RABGAP1: variants seen among roughly 807,000 people sequenced by gnomAD.
RABGAP1 encodes RAB GTPase activating protein 1, also known as rab GTPase-activating protein 1.
Under a neutral mutation model 137.6 loss-of-function variants are expected in RABGAP1, and 23 were observed. The ratio of observed to expected loss-of-function variants is 0.17; its 90% CI spans 0.12 to 0.24. The LOEUF (loss-of-function observed/expected upper bound fraction) is 0.24. Among genes scored for constraint, RABGAP1 ranks in the 10% least tolerant of loss-of-function variants. RABGAP1 has a pLI of 1.00. For synonymous variants in RABGAP1, 451 were observed against 450.7 expected (o/e 1.00, Z -0.01); for missense variants, 906 against 1,275.8 (o/e 0.71, Z 4.42).
intron 14 of RABGAP1, among the ~76,000 whole-genome samples, chr9:123,068,679 C>T (rs143663770): frequency 0.038 from 3,063 of 80,354 alleles, 57 homozygotes; most frequent in Admixed American, 0.14. Context: ...ATCCTGTAGC[C>T]TTCTTATCAG....
At chr9:123,002,479 G>T (rs1322771661) in intron 10 of RABGAP1, among the ~76,000 whole-genome samples, 1 of 150,748 alleles carries the variant, frequency 6.6e-6, no homozygotes, top group South Asian at 2.1e-4. Flanking sequence ...TCTCATTTTA[G>T]TGAACATAAA....
chr9:122,990,783 AAAAAAAAAAAAAAATAT>A (rs1412004171), intron 6 of RABGAP1: 1 of 80,570 alleles, frequency 1.2e-5, no homozygotes, highest in Admixed American at 1.5e-4. Context: ...AAAAAAAAAA[AAAAAAAAAAAAAAATAT>A]ATATATATAT....
chr9:122,972,886 A>G (rs1285588349), intron 2 of RABGAP1, among the ~76,000 whole-genome samples: 1 of 152,050 alleles, frequency 6.6e-6, no homozygotes. Context: ...CTGTAATCCC[A>G]GCACTTGGGG....
Position 123,103,619 on chromosome 9 carries a change from A to G in RABGAP1, c.*406A>G, listed in dbSNP as rs1389722744. ...TATATATATATATATATATATATATATATATATATATATATATAGTGGGGG... is the reference window on the plus strand; with the variant it reads ...TATATATATATATATATATATATATGTATATATATATATATATAGTGGGGG... On this transcript the variant is annotated 3_prime_UTR_variant, in exon 26 of 26. Coordinates refer to ENST00000373647, the MANE Select transcript of RABGAP1 (RefSeq NM_012197.4). 1 of 96,650 alleles carries G rather than the reference A, an allele frequency of 1.0e-5. No individual in the cohort carries two copies. The highest frequency in any genetic ancestry group is 2.2e-5 in the Non-Finnish European group (1 of 46,196). 6.0% of individuals were successfully genotyped at this position (96,650 alleles called of 1,614,324 possible).
chr9:122,997,859 A>G (rs1837114804), intron 9 of RABGAP1, among the ~76,000 whole-genome samples: 1 of 152,142 alleles, frequency 6.6e-6, no homozygotes, highest in Non-Finnish European at 1.5e-5. Context: ...CTGAAAATGT[A>G]ATTTGCTTAA....
At chr9:122,933,085 A>G in the RABGAP1 span, among the ~76,000 whole-genome samples, 445 of 152,246 alleles carry the variant, frequency 2.9e-3, 2 homozygotes, top group African/African-American at 0.01. Context: ...ATGTCTTTTA[A>G]GTATAGCTGG....
intron 13 of RABGAP1, among the ~76,000 whole-genome samples, chr9:123,051,413 A>G (rs949416327): frequency 2.0e-5 from 3 of 149,214 alleles, no homozygotes; most frequent in Middle Eastern, 3.4e-3. Flanking sequence ...ACGGCTGGCT[A>G]ATTTTGTATT....
At chr9:123,047,255 G>T (rs941674347) in intron 13 of RABGAP1, among the ~76,000 whole-genome samples, 2 of 152,100 alleles carry the variant, frequency 1.3e-5, no homozygotes, top group Non-Finnish European at 2.9e-5. Context: ...ATGTTTGTTC[G>T]AGGAGGTAAA....
At chr9:123,101,363 T>G (rs1016291568) in intron 24 of RABGAP1, among the ~76,000 whole-genome samples, 2 of 152,168 alleles carry the variant, frequency 1.3e-5, no homozygotes, top group African/African-American at 4.8e-5. Flanking sequence ...ATCAAGACAA[T>G]GATAATTTTA....
chr9:123,072,216 T>C (rs1173308774), intron 15 of RABGAP1, among the ~76,000 whole-genome samples: 1 of 152,144 alleles, frequency 6.6e-6, no homozygotes, highest in Admixed American at 6.5e-5. Flanking sequence ...GTTTCAGATT[T>C]TGGAGCATTT....
intron 10 of RABGAP1, among the ~76,000 whole-genome samples, chr9:123,002,141 A>G (rs1837352116): frequency 6.6e-6 from 1 of 152,070 alleles, no homozygotes; most frequent in Admixed American, 6.6e-5. Context: ...GTCTCTACTA[A>G]AAATACAAAA....
intron 13 of RABGAP1, among the ~76,000 whole-genome samples, chr9:123,055,691 A>G (rs1466772390): frequency 2.0e-5 from 3 of 151,424 alleles, no homozygotes; most frequent in Non-Finnish European, 4.4e-5. Flanking sequence ...CTGGGATTAC[A>G]GGCTCCTGCC....
At chr9:123,041,107 A>G (rs999407971) in intron 13 of RABGAP1, among the ~76,000 whole-genome samples, 2 of 152,200 alleles carry the variant, frequency 1.3e-5, no homozygotes, top group Non-Finnish European at 2.9e-5. Flanking sequence ...ATGAGCAATA[A>G]TATAAATGTT....
intron 21 of RABGAP1, among the ~76,000 whole-genome samples, chr9:123,093,786 T>C (rs2035100825): frequency 6.6e-6 from 1 of 152,246 alleles, no homozygotes; most frequent in Non-Finnish European, 1.5e-5. Context: ...TGTATCAGTG[T>C]TAGAATCAGC....
chr9:122,991,536 T>C (rs752936982), intron 6 of RABGAP1, among the ~76,000 whole-genome samples: 1 of 152,046 alleles, frequency 6.6e-6, no homozygotes, highest in East Asian at 1.9e-4. Context: ...AGCTTAAACT[T>C]TGAGGAGTAA....
At chr9:123,016,003 C>A (rs1004178082) in intron 12 of RABGAP1, among the ~76,000 whole-genome samples, 7 of 151,820 alleles carry the variant, frequency 4.6e-5, no homozygotes, top group Admixed American at 4.6e-4. Flanking sequence ...GGTAGAGACC[C>A]CAGGTAGGAT....
At chr9:123,099,427 C>A in intron 23 of RABGAP1, 51 bp from the exon 24 acceptor site, 1 of 1,491,074 alleles carries the variant, frequency 6.7e-7, no homozygotes, top group Non-Finnish European at 9.3e-7. Context: ...GGAATTTATG[C>A]AGATGATTAC....
chr9:122,996,427 C>T (rs1837025561), intron 7 of RABGAP1, 112 bp from the exon 8 acceptor site: 2 of 1,157,070 alleles, frequency 1.7e-6, no homozygotes, highest in Admixed American at 5.2e-5. Context: ...TTATTGATAA[C>T]TCTAATGTGT....
intron 15 of RABGAP1, among the ~76,000 whole-genome samples, chr9:123,071,891 A>G (rs896880436): frequency 5.3e-5 from 8 of 152,200 alleles, no homozygotes; most frequent in Non-Finnish European, 4.4e-5. Context: ...AGGAACTGAA[A>G]GGAGGACAGT....
Sources: allele counts gnomAD v4.1 joint callset (sites outside exome capture counted in the v4.1 genomes callset), GRCh38; gene constraint gnomAD v4.1.1; transcripts MANE v1.5; gene names NCBI Gene and HGNC (gene_info 2026-07-23, HGNC 2026-07-21).